TOP3B: variants seen among roughly 807,000 people sequenced by gnomAD.
The protein encoded by TOP3B is DNA topoisomerase III beta.
TOP3B carries 45 observed loss-of-function variants against 93.9 expected under a neutral mutation model. The ratio of observed to expected loss-of-function variants is 0.48; its 90% confidence interval spans 0.38 to 0.61. The LOEUF is 0.61. Among genes scored for constraint, TOP3B ranks in the 20% least tolerant of loss-of-function variants. The pLI is 0.00. For missense variants in TOP3B, 750 were observed against 1,156.1 expected (o/e 0.65, Z 5.09); for synonymous variants, 357 against 472.6 (o/e 0.76, Z 3.17).
At chr22:21,981,157 CTA>C (rs1369971801) in intron 1 of TOP3B, among the ~76,000 whole-genome samples, 1 of 152,210 alleles carries the variant, frequency 6.6e-6, no homozygotes, top group African/African-American at 2.4e-5. Flanking sequence ...TTTCTCATGT[CTA>C]TGCCACAGAG....
intron 3 of TOP3B, chr22:21,973,145 T>TG (rs1278273529): frequency 3.9e-6 from 1 of 255,658 alleles, no homozygotes; most frequent in Non-Finnish European, 7.7e-6. Flanking sequence ...CAGCACTCTG[T>TG]GGGGGCACAC....
chr22:21,982,573 C>G (rs1005667709), intron 1 of TOP3B, 157 bp downstream of exon 1: 1 of 152,310 alleles, frequency 6.6e-6, no homozygotes, highest in Non-Finnish European at 1.5e-5. Context: ...ATCACCCCCG[C>G]CAGGGAAGAG....
intron 9 of TOP3B, 40 bp downstream of exon 9, chr22:21,965,245 G>T: frequency 6.7e-7 from 1 of 1,501,368 alleles, no homozygotes; most frequent in East Asian, 2.5e-5. Context: ...ACCTGCCTCA[G>T]GAAGCCTTCT....
chr22:21,966,046 C>G (rs902329301), intron 8 of TOP3B: 6 of 152,176 alleles, frequency 3.9e-5, no homozygotes, highest in African/African-American at 1.4e-4. Flanking sequence ...CACACACCAT[C>G]ATGTCTGACC....
intron 9 of TOP3B, chr22:21,964,610 TG>T (rs1163468233): frequency 2.1e-6 from 1 of 468,056 alleles, no homozygotes; most frequent in East Asian, 3.8e-5. Flanking sequence ...CTCATGGCCA[TG>T]GGGATGACAC....
intron 2 of TOP3B, 110 bp from the exon 3 acceptor site, chr22:21,974,598 G>T: frequency 1.6e-6 from 2 of 1,248,872 alleles, no homozygotes; most frequent in Non-Finnish European, 2.2e-6. Context: ...TCCTTCCCCA[G>T]AGTGGTGAGT....
intron 9 of TOP3B, 147 bp from the exon 10 acceptor site, chr22:21,964,462 G>T: frequency 1.1e-6 from 1 of 913,234 alleles, no homozygotes; most frequent in Non-Finnish European, 1.6e-6. Flanking sequence ...GGAGTGCAAA[G>T]CTGCTGGCCG....
At chr22:21,964,359 T>C (rs1453320272) in intron 9 of TOP3B, 44 bp from the exon 10 acceptor site, 1 of 1,606,852 alleles carries the variant, frequency 6.2e-7, no homozygotes, top group South Asian at 1.1e-5. Flanking sequence ...TACGTGGGGA[T>C]GGCCAGCTGC....
chr22:21,964,131 A>G, intron 10 of TOP3B, 30 bp downstream of exon 10: 1 of 1,613,556 alleles, frequency 6.2e-7, no homozygotes, highest in Non-Finnish European at 8.5e-7. Context: ...TGACACACAC[A>G]CATGCTGAGG....
intron 2 of TOP3B, chr22:21,974,883 G>A (rs889708666): frequency 6.1e-6 from 1 of 163,858 alleles, no homozygotes. Flanking sequence ...TCTAATTATC[G>A]AATTCTCACC....
chr22:21,959,631 T>C lies in TOP3B; in HGVS notation c.1760A>G (p.Asp587Gly). The change falls in exon 15 of 18, where the codon GAC becomes GGC. Residue 587 changes from aspartate (D) to glycine (G), a missense_variant. Asp to Gly is a moderately conservative substitution (Grantham distance 94). This residue lies in a region of TOP3B where 737 missense variants were observed against 933.7 expected (regional missense o/e 0.79). Transcript: ENST00000357179. ...GTAGTGGAACTTCCTCTTGAACACG[T>C]CCAGGGTGTGGCCCAGGACCTGGCG... Reference protein sequence around the residue: ...DYRQVLGHTLDVFKRKFHYFV... With the variant: ...DYRQVLGHTLGVFKRKFHYFV... 1 of 1,613,784 alleles carries C rather than the reference T, an allele frequency of 6.2e-7. No homozygotes were observed. The highest frequency in any genetic ancestry group is 8.5e-7 in the Non-Finnish European group (1 of 1,179,870).
intron 6 of TOP3B, chr22:21,969,161 G>T (rs1192871561): frequency 5.8e-6 from 1 of 172,068 alleles, no homozygotes; most frequent in Non-Finnish European, 1.2e-5. Context: ...TAGAGACAGG[G>T]TCTTGCTGTA....
At chr22:21,959,810 G>C (rs2071089625) in intron 14 of TOP3B, 74 bp from the exon 15 acceptor site, 2 of 1,561,200 alleles carry the variant, frequency 1.3e-6, no homozygotes, top group Non-Finnish European at 1.7e-6. Flanking sequence ...CCCAGGCAGG[G>C]ATACTGCCCT....
At position 21,960,309 on chromosome 22, in the gene TOP3B, T is replaced by C. The variant is rs1569141625; in HGVS notation, c.1654+12A>G. 5 of 1,613,122 alleles carry C rather than the reference T, an allele frequency of 3.1e-6. No homozygotes were observed. The highest frequency in any genetic ancestry group is 1.1e-5 in the South Asian group (1 of 91,070). On this transcript the variant is annotated intron_variant, in intron 14 of 17. Coordinates refer to ENST00000357179, the MANE Select transcript of TOP3B (RefSeq NM_001282112.2). The stretch of plus-strand genomic sequence containing the variant: ...CCTCGGTGGGCCCTGGGGGCAGGAC[T>C]GAGGAACTCACCAATCTTATAGTAG...
At chr22:21,962,096 A>AG in intron 13 of TOP3B, 1 of 1,258,280 alleles carries the variant, frequency 7.9e-7, no homozygotes, top group African/African-American at 1.5e-5. Flanking sequence ...GTGTGGACTC[A>AG]GGGGACTGCC....
chr22:21,969,117 A>C, intron 6 of TOP3B: 1 of 198,654 alleles, frequency 5.0e-6, no homozygotes, highest in Non-Finnish European at 1.0e-5. Context: ...TGTCAGCTAA[A>C]TAAACAATTT....
At chr22:21,967,785 A>C in intron 7 of TOP3B, 69 bp from the exon 8 acceptor site, 1 of 1,217,886 alleles carries the variant, frequency 8.2e-7, no homozygotes, top group Non-Finnish European at 1.2e-6. Context: ...GCCAGGAAGA[A>C]CCAGGACAGA....
At chr22:21,961,245 G>C (rs2071167346) in intron 13 of TOP3B, 1 of 152,336 alleles carries the variant, frequency 6.6e-6, no homozygotes, top group South Asian at 2.1e-4. Flanking sequence ...GTGGCAGGCT[G>C]TGGGTGGCGT....
chr22:21,970,080 T>G lies in TOP3B; in HGVS notation c.581+130A>C, dbSNP rs2071572231. ...CCACTGTGCCTGGCCTTCTTCAGGG[T>G]TGGTGAAATCCCCTGTTGCTCATCC... On this transcript the variant is annotated intron_variant, in intron 6 of 17. Coordinates refer to ENST00000357179, the MANE Select transcript of TOP3B (RefSeq NM_001282112.2). The surrounding 1 kb of genome is among the most constrained non-coding windows in gnomAD (Gnocchi z 4.4). 2 of 976,694 alleles carry G rather than the reference T, an allele frequency of 2.0e-6. No homozygotes were observed. Among genetic ancestry groups the G allele is most frequent in the Non-Finnish European group, 3.0e-6 (2 of 665,110 alleles). 60.5% of individuals were successfully genotyped at this position (976,694 alleles called of 1,614,324 possible). A position where few individuals can be genotyped will look rare whatever the true frequency, so the allele number is the denominator to read the frequency against.
Sources: gnomAD v4.1 joint callset for allele counts (sites outside exome capture counted in the v4.1 genomes callset) on GRCh38, gnomAD v4.1.1 for gene constraint, gnomAD v4.1.1 regional missense constraint, Gnocchi (gnomAD v3.1) non-coding constraint, MANE v1.5 for transcripts, NCBI Gene and HGNC (gene_info 2026-07-23, HGNC 2026-07-21) for gene names.